COL4A2: variants seen among roughly 807,000 people sequenced by gnomAD.
COL4A2 encodes collagen type IV alpha 2 chain, also known as collagen alpha-2(IV) chain.
A neutral mutation model predicts 200.2 loss-of-function variants in COL4A2; 99 were observed. The observed-to-expected ratio is 0.49, with a 90% CI of 0.42 to 0.58. COL4A2 has a LOEUF of 0.58. Among genes scored for constraint, COL4A2 ranks in the 20% least tolerant of loss-of-function variants. COL4A2 has a pLI of 0.00. For missense variants in COL4A2, 1,950 were observed against 2,314.1 expected, an observed-to-expected ratio of 0.84 and a Z score of 3.23; for synonymous variants, 897 against 900.6, an observed-to-expected ratio of 1.00 and a Z score of 0.07.
chr13:110,417,412 G>T (rs1880085422), intron 4 of COL4A2, among the ~76,000 whole-genome samples: 1 of 152,068 alleles, frequency 6.6e-6, no homozygotes, highest in Non-Finnish European at 1.5e-5. Flanking sequence ...CGGGCAACAT[G>T]CCTGTGATGT....
At chr13:110,456,495 A>G in intron 20 of COL4A2, 1 of 324,914 alleles carries the variant, frequency 3.1e-6, no homozygotes, top group Non-Finnish European at 6.0e-6. Context: ...TTTTCTTTGG[A>G]CTCAATGTTT....
Position 110,512,270 on chromosome 13 carries a change from T to C in COL4A2, c.*79T>C. The C allele has an allele frequency of 7.0e-7, 1 of 1,434,200 alleles. No individual in the cohort carries two copies. Among genetic ancestry groups the C allele is most frequent in the Non-Finnish European group, 9.1e-7 (1 of 1,100,332 alleles). The allele number at this position is 1,434,200 out of a possible 1,614,324, so 88.8% of individuals were successfully genotyped here. A position where few individuals can be genotyped will look rare whatever the true frequency, so the allele number is the denominator to read the frequency against. On this transcript the variant is annotated 3_prime_UTR_variant, in exon 48 of 48. Transcript: ENST00000360467. ...CAGGTGCCAACCCAAAAATTGGTTTTATTTTTTTCTTAAAAAAAAAAAAGT... is the reference window on the plus strand; with the variant it reads ...CAGGTGCCAACCCAAAAATTGGTTTCATTTTTTTCTTAAAAAAAAAAAAGT...
Position 110,307,770 on chromosome 13 carries a change from C to A in COL4A2, c.-44-90C>A. On this transcript the variant is annotated intron_variant, in intron 1 of 47. Transcript: ENST00000360467. The surrounding 1 kb of genome is among the most constrained non-coding windows in gnomAD (Gnocchi z 5.0). Reference sequence around the variant, plus strand: ...CCCTGCATGCGGGCCGCGCACCGCGCTGTCCCCGCGTCTCGCGGACCGAGA... The same window carrying A: ...CCCTGCATGCGGGCCGCGCACCGCGATGTCCCCGCGTCTCGCGGACCGAGA... The A allele has an allele frequency of 1.6e-6, 2 of 1,251,848 alleles. No individual in the cohort carries two copies. Among genetic ancestry groups the A allele is most frequent in the Non-Finnish European group, 1.1e-6 (1 of 914,226 alleles). 77.5% of individuals were successfully genotyped at this position (1,251,848 alleles called of 1,614,324 possible).
chr13:110,430,741 A>T (rs764728927), intron 10 of COL4A2, 134 bp downstream of exon 10: 1 of 1,239,356 alleles, frequency 8.1e-7, no homozygotes, highest in Admixed American at 1.7e-5. Flanking sequence ...AGCAGAGAAC[A>T]TCAAGACAAA....
intron 15 of COL4A2, 143 bp downstream of exon 15, chr13:110,438,811 C>CTCCACAA (rs778206781): frequency 1.5e-6 from 1 of 668,220 alleles, no homozygotes; most frequent in Non-Finnish European, 2.4e-6. Context: ...CACCCCCCCC[C>CTCCACAA]ACACACACAC....
intron 3 of COL4A2, among the ~76,000 whole-genome samples, chr13:110,347,393 A>G (rs1876754730): frequency 6.6e-6 from 1 of 152,142 alleles, no homozygotes; most frequent in South Asian, 2.1e-4. Flanking sequence ...CAAGGGTGCC[A>G]TCATCCTCCC....
intron 45 of COL4A2, among the ~76,000 whole-genome samples, chr13:110,505,773 T>C (rs747605574): frequency 4.8e-4 from 73 of 152,150 alleles, no homozygotes; most frequent in African/African-American, 1.4e-3. Flanking sequence ...CGATGAGCCA[T>C]GTCTCCTGGA....
intron 47 of COL4A2, among the ~76,000 whole-genome samples, chr13:110,509,296 C>CAA (rs71206940): frequency 7.7e-6 from 1 of 130,266 alleles, no homozygotes; most frequent in Non-Finnish European, 1.6e-5. Context: ...CACACACACA[C>CAA]AACATAAAAT....
chr13:110,394,013 T>C (rs61963199), intron 4 of COL4A2, among the ~76,000 whole-genome samples: 4,327 of 152,302 alleles, frequency 0.028, 78 homozygotes, highest in Middle Eastern at 0.085. Context: ...CACTATATGA[T>C]GACTTTCTCC....
At chr13:110,383,606 CTTTTTTTTTTTTT>C (rs67906394) in intron 4 of COL4A2, among the ~76,000 whole-genome samples, 2 of 65,328 alleles carry the variant, frequency 3.1e-5, no homozygotes, top group Admixed American at 1.9e-4. Flanking sequence ...CAGCCCTTTT[CTTTTTTTTTTTTT>C]TTTTTTTTTT....
At chr13:110,390,089 A>G (rs371812348) in intron 4 of COL4A2, among the ~76,000 whole-genome samples, 9 of 152,216 alleles carry the variant, frequency 5.9e-5, no homozygotes, top group African/African-American at 1.2e-4. Context: ...TCATTTATTC[A>G]AAAAGCATGT....
intron 20 of COL4A2, among the ~76,000 whole-genome samples, chr13:110,455,873 C>T (rs1881712849): frequency 6.6e-6 from 1 of 152,214 alleles, no homozygotes; most frequent in African/African-American, 2.4e-5. Context: ...TCCCCTGCTC[C>T]TCTCAGGTTC....
Position 110,511,921 on chromosome 13 carries a change from C to T in COL4A2, c.4882-13C>T, listed in dbSNP as rs375187382. 5 of 1,613,358 alleles carry T rather than the reference C, an allele frequency of 3.1e-6. No individual in the cohort carries two copies. The highest frequency in any genetic ancestry group is 4.5e-5 in the East Asian group (2 of 44,888). On this transcript the variant is annotated splice_polypyrimidine_tract_variant and intron_variant, in intron 47 of 47. Coordinates refer to ENST00000360467, the MANE Select transcript of COL4A2 (RefSeq NM_001846.4). ...GTGATTCCTAACCCTGTCCTGCCCC[C>T]CTCTCTGTGCAGCACACGGCGGCGG... is the stretch of plus-strand genomic sequence containing the variant.
chr13:110,382,107 G>A (rs191192416), intron 4 of COL4A2, among the ~76,000 whole-genome samples: 531 of 152,218 alleles, frequency 3.5e-3, no homozygotes, highest in Non-Finnish European at 4.8e-3. Context: ...AAGTAGTTTA[G>A]CCAGTCTAAA....
intron 31 of COL4A2, among the ~76,000 whole-genome samples, chr13:110,482,050 A>G (rs1882952041): frequency 6.6e-6 from 1 of 152,264 alleles, no homozygotes; most frequent in South Asian, 2.1e-4. Flanking sequence ...TACTAGAGAC[A>G]TATGAGTCTG....
In COL4A2 at chr13:110,503,872, C is replaced by T. The variant is rs760152090; in HGVS notation, c.4164C>T (p.Pro1388=). 14 of 1,613,714 alleles carry T rather than the reference C, an allele frequency of 8.7e-6. No individual in the cohort carries two copies. The highest frequency in any genetic ancestry group is 2.2e-5 in the East Asian group (1 of 44,848). ...FPGAPGTVGA[P]GIAGIPQKIA... is the part of the protein sequence containing the mutation. ...GTGCCCCCGGGACTGTGGGAGCCCCCGGGATTGCAGGAATCCCCCAGAAGA... is the reference window on the plus strand; with the variant it reads ...GTGCCCCCGGGACTGTGGGAGCCCCTGGGATTGCAGGAATCCCCCAGAAGA... The change falls in exon 44 of 48, where the codon CCC becomes CCT. Residue 1388 remains proline, a synonymous_variant. Transcript: ENST00000360467.
chr13:110,456,673 C>A (rs557841726), intron 20 of COL4A2: 26 of 438,240 alleles, frequency 5.9e-5, no homozygotes, highest in African/African-American at 4.9e-4. Flanking sequence ...TTTGGGGAGG[C>A]TTGGCTGAAA....
Position 110,501,760 on chromosome 13 carries a change from G to A in COL4A2, c.3853G>A (p.Ala1285Thr), listed in dbSNP as rs1883651544. 6.2e-7 allele frequency: 1 copy of A among 1,613,678 alleles called. No individual in the cohort carries two copies. The highest frequency in any genetic ancestry group is 1.3e-5 in the African/African-American group (1 of 75,048). Residue 1285 changes from alanine to threonine, a missense_variant, in exon 41 of 48, where the codon GCG becomes ACG. Transcript: ENST00000360467. Reference protein sequence around the residue: ...NISGAPGDKGAPGIFGLKGYR... With the variant: ...NISGAPGDKGTPGIFGLKGYR... Reference sequence around the variant, plus strand: ...CTCTGGGGCACCTGGTGACAAAGGGGCGCCAGGGATATTTGGCCTGAAAGG... The same window carrying A: ...CTCTGGGGCACCTGGTGACAAAGGGACGCCAGGGATATTTGGCCTGAAAGG...
At chr13:110,442,276 A>G (rs1327900060) in intron 16 of COL4A2, among the ~76,000 whole-genome samples, 1 of 152,166 alleles carries the variant, frequency 6.6e-6, no homozygotes, top group South Asian at 2.1e-4. Flanking sequence ...AGTTGCAACA[A>G]CTTGCGAAGA....
Sources: allele counts gnomAD v4.1 joint callset (sites outside exome capture counted in the v4.1 genomes callset), GRCh38; gene constraint gnomAD v4.1.1; non-coding constraint Gnocchi (gnomAD v3.1); transcripts MANE v1.5; gene names NCBI Gene and HGNC (gene_info 2026-07-23, HGNC 2026-07-21).